Variants in PRORP observed in about 807,000 individuals in gnomAD.
PRORP encodes mitochondrial ribonuclease P catalytic subunit.
In PRORP, 51 loss-of-function variants were observed where a neutral mutation model predicts 59.4. The observed-to-expected ratio is 0.86, with a 90% CI of 0.69 to 1.08. The LOEUF is 1.08. Among genes scored for constraint, PRORP ranks in the 50% least tolerant of loss-of-function variants. The probability of loss-of-function intolerance (pLI) is 0.00; values close to 1 mark genes in which losing one functional copy is unlikely to be tolerated. For synonymous variants in PRORP, 231 were observed against 245.6 expected (o/e 0.94, Z 0.55); for missense variants, 646 against 690.3 (o/e 0.94, Z 0.72).
At chr14:35,207,462 A>G (rs928356738) in intron 5 of PRORP, among the ~76,000 whole-genome samples, 1 of 152,208 alleles carries the variant, frequency 6.6e-6, no homozygotes, top group Non-Finnish European at 1.5e-5. Context: ...CAACATTTTT[A>G]AAGAGGAGGG....
intron 4 of PRORP, among the ~76,000 whole-genome samples, chr14:35,164,908 G>A (rs568316807): frequency 1.3e-5 from 2 of 152,236 alleles, no homozygotes; most frequent in Non-Finnish European, 2.9e-5. Context: ...CCACATCAAA[G>A]AAAGTAGGAT....
intron 4 of PRORP, among the ~76,000 whole-genome samples, chr14:35,160,433 T>G (rs925824212): frequency 2.0e-5 from 3 of 152,210 alleles, no homozygotes; most frequent in Non-Finnish European, 4.4e-5. Context: ...CACTAGAAAT[T>G]TCAGGAATTT....
intron 6 of PRORP, 147 bp from the exon 7 acceptor site, chr14:35,270,254 T>G (rs2051150344): frequency 3.0e-6 from 2 of 675,258 alleles, no homozygotes; most frequent in Non-Finnish European, 5.0e-6. Flanking sequence ...CTAAGGACTT[T>G]GAGGTGGTTC....
intron 4 of PRORP, among the ~76,000 whole-genome samples, chr14:35,147,178 T>C (rs2047632491): frequency 1.3e-5 from 2 of 152,152 alleles, no homozygotes; most frequent in Admixed American, 1.3e-4. Context: ...AAAATATATA[T>C]AGATACCTTA....
intron 5 of PRORP, among the ~76,000 whole-genome samples, chr14:35,244,838 A>G (rs1156436098): frequency 1.3e-5 from 2 of 152,156 alleles, no homozygotes; most frequent in Non-Finnish European, 2.9e-5. Flanking sequence ...AGGTAACATA[A>G]TCCTGACTTC....
At chr14:35,192,512 C>T (rs571731810) in intron 5 of PRORP, among the ~76,000 whole-genome samples, 1 of 152,262 alleles carries the variant, frequency 6.6e-6, no homozygotes, top group African/African-American at 2.4e-5. Flanking sequence ...TGTTGTTGAC[C>T]ATTTATCCTA....
intron 5 of PRORP, among the ~76,000 whole-genome samples, chr14:35,244,478 G>C (rs1202816830): frequency 6.6e-6 from 1 of 151,006 alleles, no homozygotes; most frequent in Non-Finnish European, 1.5e-5. Context: ...TTTGCACATG[G>C]GGAAACTTAG....
Position 35,190,024 on chromosome 14 carries a change from G to A in PRORP, c.1275+9247G>A, listed in dbSNP as rs555701733. ...CTCGGGAGGCTGAGGCAGGAGAATCGCTTGAACCCGGCAGCAGAGGTTGCA... is the reference window on the plus strand; with the variant it reads ...CTCGGGAGGCTGAGGCAGGAGAATCACTTGAACCCGGCAGCAGAGGTTGCA... On this transcript the variant is annotated intron_variant, in intron 5 of 7. Coordinates refer to ENST00000534898, the MANE Select transcript of PRORP (RefSeq NM_014672.4). Among the ~76,000 whole-genome samples the A allele has an allele frequency of 3.0e-4, 46 of 151,570 alleles. 1 individual carries two copies. In the Middle Eastern group the frequency reaches 0.017, roughly 56 times the overall value.
rs2047000560 is a variant in PRORP at position 35,123,545 on chromosome 14, T to C, written c.300T>C (p.Thr100=). Residue 100 remains threonine, a synonymous_variant, in exon 2 of 8, where the codon ACT becomes ACC. Coordinates refer to ENST00000534898, the MANE Select transcript of PRORP (RefSeq NM_014672.4). ...AGAGATCACAGATGAATTCTCAAAC[T>C]GAAGATCATGCCTTGGCACCTGTGA... ...AKERSQMNSQ[T]EDHALAPVRN... is the part of the protein sequence containing the mutation. 3 of 1,614,180 alleles carry C rather than the reference T, an allele frequency of 1.9e-6. No individual in the cohort carries two copies. The highest frequency in any genetic ancestry group is 3.3e-5 in the Admixed American group (2 of 60,030).
intron 4 of PRORP, among the ~76,000 whole-genome samples, chr14:35,131,584 A>G (rs2047239737): frequency 6.7e-6 from 1 of 149,730 alleles, no homozygotes; most frequent in African/African-American, 2.5e-5. Flanking sequence ...GCTGGAGTGC[A>G]GTGGTGCTAT....
chr14:35,181,717 G>A (rs1416874153), intron 5 of PRORP, among the ~76,000 whole-genome samples: 7 of 148,452 alleles, frequency 4.7e-5, no homozygotes, highest in Non-Finnish European at 8.9e-5. Flanking sequence ...CCTGGGAGGC[G>A]GAGGTTGCAG....
At chr14:35,192,329 C>A (rs1362355558) in intron 5 of PRORP, among the ~76,000 whole-genome samples, 1 of 152,158 alleles carries the variant, frequency 6.6e-6, no homozygotes, top group Non-Finnish European at 1.5e-5. Flanking sequence ...TCCAAAGTAA[C>A]CTCATTCTGC....
intron 5 of PRORP, among the ~76,000 whole-genome samples, chr14:35,252,608 A>T (rs1254000849): frequency 6.6e-6 from 1 of 151,938 alleles, no homozygotes; most frequent in African/African-American, 2.4e-5. Flanking sequence ...ACTGGGCTTT[A>T]CCCTGTCCAG....
intron 5 of PRORP, among the ~76,000 whole-genome samples, chr14:35,239,339 C>T (rs1017796633): frequency 1.3e-5 from 2 of 150,502 alleles, no homozygotes; most frequent in Admixed American, 1.3e-4. Context: ...CAGAGTAAGA[C>T]TCCGTCTCAA....
At chr14:35,260,074 C>T (rs2138630410) in intron 5 of PRORP, among the ~76,000 whole-genome samples, 1 of 139,994 alleles carries the variant, frequency 7.1e-6, no homozygotes, top group African/African-American at 2.7e-5. Flanking sequence ...TGCAGTGGCA[C>T]TATCATAGCT....
chr14:35,216,709 G>A (rs893215593), intron 5 of PRORP, among the ~76,000 whole-genome samples: 2 of 152,230 alleles, frequency 1.3e-5, no homozygotes, highest in African/African-American at 4.8e-5. Flanking sequence ...TTAGGTTTTT[G>A]AGAAACTGTC....
intron 5 of PRORP, among the ~76,000 whole-genome samples, chr14:35,197,111 C>T (rs921141755): frequency 1.3e-5 from 2 of 152,128 alleles, no homozygotes; most frequent in Non-Finnish European, 2.9e-5. Context: ...TGCCAAGCTC[C>T]CATATCTTTT....
chr14:35,124,676 A>G (rs1040955864), intron 2 of PRORP, among the ~76,000 whole-genome samples: 1 of 148,332 alleles, frequency 6.7e-6, no homozygotes, highest in Non-Finnish European at 1.5e-5. Flanking sequence ...TCCTTTTGGA[A>G]GGATCATTAA....
intron 4 of PRORP, among the ~76,000 whole-genome samples, chr14:35,173,685 G>T (rs770063634): frequency 1.3e-5 from 2 of 151,950 alleles, no homozygotes; most frequent in Non-Finnish European, 2.9e-5. Flanking sequence ...CTCTGACCAA[G>T]ACAAATTTTA....
Sources: gnomAD v4.1 joint callset for allele counts (sites outside exome capture counted in the v4.1 genomes callset) on GRCh38, gnomAD v4.1.1 for gene constraint, MANE v1.5 for transcripts, NCBI Gene and HGNC (gene_info 2026-07-23, HGNC 2026-07-21) for gene names.